The following CACNA2D3 variants were observed in gnomAD, a reference collection of about 807,000 sequenced individuals.
CACNA2D3 encodes the protein voltage-dependent calcium channel subunit alpha-2/delta-3.
A neutral mutation model predicts 160.6 loss-of-function variants in CACNA2D3; 60 were observed. That is an observed-to-expected ratio of 0.37 (90% CI 0.30 to 0.46). The LOEUF is 0.46. CACNA2D3 is among the 20% of genes least tolerant of loss of function. The pLI, the probability that CACNA2D3 is intolerant of heterozygous loss-of-function variation, is 1.00. For synonymous variants in CACNA2D3, 558 were observed against 492.9 expected (o/e 1.13, Z -1.75); for missense variants, 1,205 against 1,365.0 (o/e 0.88, Z 1.85).
At chr3:54,740,495 TC>T (rs1701628229) in intron 11 of CACNA2D3, among the ~76,000 whole-genome samples, 1 of 151,834 alleles carries the variant, frequency 6.6e-6, no homozygotes, top group Admixed American at 6.6e-5. Flanking sequence ...GTTATTAGAG[TC>T]CCTGGAAGGG....
At chr3:54,814,447 G>A (rs558352680) in intron 13 of CACNA2D3, among the ~76,000 whole-genome samples, 14 of 152,312 alleles carry the variant, frequency 9.2e-5, no homozygotes, top group Admixed American at 7.8e-4. Context: ...GGCCCTGCAC[G>A]CAAGTCATGA....
At chr3:54,983,023 G>A (rs1321881401) in intron 29 of CACNA2D3, among the ~76,000 whole-genome samples, 2 of 152,264 alleles carry the variant, frequency 1.3e-5, no homozygotes, top group South Asian at 4.1e-4. Context: ...AGCCCAACAG[G>A]TCTTAGCCTC....
chr3:54,633,312 A>G (rs1441249312), intron 10 of CACNA2D3, among the ~76,000 whole-genome samples: 1 of 152,158 alleles, frequency 6.6e-6, no homozygotes, highest in African/African-American at 2.4e-5. Context: ...GCTATGTCAG[A>G]TAGTAGCTGT....
chr3:54,354,238 T>C (rs1383125125), intron 3 of CACNA2D3, among the ~76,000 whole-genome samples: 1 of 152,194 alleles, frequency 6.6e-6, no homozygotes, highest in Non-Finnish European at 1.5e-5. Flanking sequence ...ATGAGTCTGC[T>C]GCAAACACCC....
rs1181056443 is a variant in CACNA2D3 at position 54,821,641 on chromosome 3, GTTCTTTCTTTCTTTCTTTCTTTCT to G, written c.1398+4807_1398+4830del. Reference sequence around the variant, plus strand: ...AGCCTTCGTTTTTCTAGAGTCTTTCGTTCTTTCTTTCTTTCTTTCTTTCTTTCTTTCTTTCTTTCTTTCTTTCTT... The same window carrying G: ...AGCCTTCGTTTTTCTAGAGTCTTTCGTTCTTTCTTTCTTTCTTTCTTTCTT... On this transcript the variant is annotated intron_variant, in intron 14 of 37. Transcript: ENST00000474759. 1.1e-3 allele frequency among the ~76,000 whole-genome samples: 121 copies of G among 107,914 alleles called. No individual in the cohort carries two copies. In the East Asian group the frequency reaches 0.014, roughly 13 times the overall value. The allele number at this position is 107,914 out of a possible 152,430, so 70.8% of individuals were successfully genotyped here.
intron 13 of CACNA2D3, among the ~76,000 whole-genome samples, chr3:54,804,316 A>C (rs1460702390): frequency 6.6e-6 from 1 of 151,986 alleles, no homozygotes; most frequent in East Asian, 1.9e-4. Context: ...AACCCATCTC[A>C]CATGCAGAGA....
intron 13 of CACNA2D3, among the ~76,000 whole-genome samples, chr3:54,787,402 G>A (rs1702662276): frequency 6.6e-6 from 1 of 152,172 alleles, no homozygotes; most frequent in Non-Finnish European, 1.5e-5. Context: ...TGGACCAGAA[G>A]CACAATTGAT....
At chr3:54,813,335 C>T (rs370532720) in intron 13 of CACNA2D3, among the ~76,000 whole-genome samples, 9 of 152,072 alleles carry the variant, frequency 5.9e-5, no homozygotes, top group South Asian at 4.1e-4. Flanking sequence ...AACATCTCCC[C>T]GGTGTGTTGA....
chr3:54,530,068 C>T (rs903388443), intron 5 of CACNA2D3, among the ~76,000 whole-genome samples: 1 of 152,112 alleles, frequency 6.6e-6, no homozygotes, highest in Non-Finnish European at 1.5e-5. Context: ...CTGACAGTGC[C>T]CAGGTCAAAG....
intron 18 of CACNA2D3, among the ~76,000 whole-genome samples, chr3:54,875,926 A>T (rs1163214051): frequency 1.3e-5 from 2 of 152,194 alleles, no homozygotes; most frequent in Admixed American, 6.5e-5. Flanking sequence ...ACACTTGCGA[A>T]TGCTTGATAT....
At chr3:55,067,476 C>T (rs1704686184) in intron 35 of CACNA2D3, among the ~76,000 whole-genome samples, 1 of 152,198 alleles carries the variant, frequency 6.6e-6, no homozygotes, top group South Asian at 2.1e-4. Flanking sequence ...TAAGAGTTTA[C>T]TTATCCTCGT....
chr3:55,072,673 C>T (rs940254302), intron 35 of CACNA2D3, among the ~76,000 whole-genome samples: 1 of 152,208 alleles, frequency 6.6e-6, no homozygotes, highest in Admixed American at 6.5e-5. Flanking sequence ...TTTGATCCCT[C>T]ATTTGTTCCT....
intron 27 of CACNA2D3, among the ~76,000 whole-genome samples, chr3:54,957,445 AAC>A (rs1226750915): frequency 0.012 from 1,856 of 152,306 alleles, 35 homozygotes; most frequent in African/African-American, 0.042. Context: ...CACCACACCC[AAC>A]CATAAAATAA....
intron 11 of CACNA2D3, among the ~76,000 whole-genome samples, chr3:54,693,073 T>C (rs1437652272): frequency 6.6e-6 from 1 of 151,784 alleles, no homozygotes; most frequent in African/African-American, 2.4e-5. Context: ...AGCCCCAAAG[T>C]TGTGTAGTAA....
intron 21 of CACNA2D3, among the ~76,000 whole-genome samples, chr3:54,883,001 A>G (rs1031851486): frequency 6.6e-6 from 1 of 152,036 alleles, no homozygotes; most frequent in South Asian, 2.1e-4. Context: ...TGAATCTTTT[A>G]ATCTTTTTCA....
chr3:54,944,214 G>T (rs1408515027), intron 27 of CACNA2D3, among the ~76,000 whole-genome samples: 1 of 152,076 alleles, frequency 6.6e-6, no homozygotes, highest in Non-Finnish European at 1.5e-5. Flanking sequence ...CATTCATTGT[G>T]CTGAGGACCT....
intron 5 of CACNA2D3, among the ~76,000 whole-genome samples, chr3:54,514,445 A>G (rs1277192993): frequency 6.6e-6 from 1 of 152,204 alleles, no homozygotes; most frequent in Non-Finnish European, 1.5e-5. Flanking sequence ...GCCACCATCT[A>G]TTGATTTAAT....
At chr3:54,697,793 G>C (rs1700691652) in intron 11 of CACNA2D3, among the ~76,000 whole-genome samples, 1 of 152,206 alleles carries the variant, frequency 6.6e-6, no homozygotes, top group African/African-American at 2.4e-5. Flanking sequence ...CTACTGCTGG[G>C]AAGAGGGTAG....
chr3:54,883,753 T>C (rs2106848279), intron 21 of CACNA2D3, among the ~76,000 whole-genome samples: 1 of 146,126 alleles, frequency 6.8e-6, no homozygotes, highest in South Asian at 2.2e-4. Flanking sequence ...CTCATTCAGG[T>C]CACTTTCTCA....
Sources: allele counts gnomAD v4.1 joint callset (sites outside exome capture counted in the v4.1 genomes callset), GRCh38; gene constraint gnomAD v4.1.1; transcripts MANE v1.5; gene names NCBI Gene and HGNC (gene_info 2026-07-23, HGNC 2026-07-21).